Variants in CUL5 observed in about 807,000 individuals in gnomAD.
CUL5 encodes the protein cullin-5.
Under a neutral mutation model 108.8 loss-of-function variants are expected in CUL5, and 26 were observed. The ratio of observed to expected loss-of-function variants is 0.24; its 90% CI spans 0.18 to 0.33. The LOEUF (loss-of-function observed/expected upper bound fraction) is 0.33, where lower values mean the gene tolerates loss of function less well. Among genes scored for constraint, CUL5 ranks in the 10% least tolerant of loss-of-function variants. The pLI is 1.00. For missense variants in CUL5, 524 were observed against 909.2 expected (o/e 0.58, Z 5.45); for synonymous variants, 334 against 298.0 (o/e 1.12, Z -1.25).
intron 18 of CUL5, among the ~76,000 whole-genome samples, chr11:108,101,519 T>A (rs988829157): frequency 6.6e-6 from 1 of 152,220 alleles, no homozygotes; most frequent in African/African-American, 2.4e-5. Flanking sequence ...CCACTACATC[T>A]TCTGTGTGGC....
chr11:108,082,570 C>T (rs1388387805), intron 11 of CUL5, among the ~76,000 whole-genome samples: 2 of 152,136 alleles, frequency 1.3e-5, no homozygotes, highest in Non-Finnish European at 2.9e-5. Flanking sequence ...AGCTACCATG[C>T]CCAGCCTGGA....
chr11:108,017,434 A>AT (rs1349482394), intron 1 of CUL5, among the ~76,000 whole-genome samples: 1 of 151,388 alleles, frequency 6.6e-6, no homozygotes, highest in East Asian at 2.0e-4. Context: ...AATAGTGAAT[A>AT]TGACAAAGTT....
At chr11:108,097,022 C>T (rs913718067) in intron 16 of CUL5, among the ~76,000 whole-genome samples, 1 of 151,874 alleles carries the variant, frequency 6.6e-6, no homozygotes, top group Non-Finnish European at 1.5e-5. Context: ...TTAAAAGTTC[C>T]AGGTTTTTTT....
chr11:108,099,819 G>A (rs1259462400), intron 18 of CUL5, among the ~76,000 whole-genome samples: 7 of 151,764 alleles, frequency 4.6e-5, no homozygotes, highest in South Asian at 2.1e-4. Flanking sequence ...GAACCAGACA[G>A]TATGTACTTT....
chr11:108,023,573 C>T (rs764770798), intron 1 of CUL5, among the ~76,000 whole-genome samples: 1 of 151,992 alleles, frequency 6.6e-6, no homozygotes, highest in South Asian at 2.1e-4. Flanking sequence ...ATCCTGGGAC[C>T]CTTCGGGAGT....
At chr11:108,021,714 C>T (rs1390469159) in intron 1 of CUL5, among the ~76,000 whole-genome samples, 3 of 151,962 alleles carry the variant, frequency 2.0e-5, no homozygotes, top group East Asian at 1.9e-4. Flanking sequence ...TGGGGTCTCA[C>T]CATGTTGCCC....
At chr11:108,088,741 T>C (rs745735371) in intron 12 of CUL5, 82 bp downstream of exon 12, 20 of 1,067,648 alleles carry the variant, frequency 1.9e-5, no homozygotes, top group Non-Finnish European at 2.6e-5. Flanking sequence ...TCTGTGATAG[T>C]ATCAATTTAA....
At chr11:108,049,530 A>G (rs1385038122) in intron 3 of CUL5, among the ~76,000 whole-genome samples, 3 of 151,786 alleles carry the variant, frequency 2.0e-5, no homozygotes, top group Non-Finnish European at 4.4e-5. Flanking sequence ...ATTTGTGGAG[A>G]TGAGGTCTTG....
intron 11 of CUL5, among the ~76,000 whole-genome samples, chr11:108,083,150 T>G (rs1303647414): frequency 6.6e-6 from 1 of 152,192 alleles, no homozygotes; most frequent in Non-Finnish European, 1.5e-5. Context: ...ATGGCAGGGG[T>G]GAATTCAGGC....
intron 18 of CUL5, among the ~76,000 whole-genome samples, chr11:108,103,241 T>A (rs1864714119): frequency 6.6e-6 from 1 of 152,146 alleles, no homozygotes; most frequent in Non-Finnish European, 1.5e-5. Flanking sequence ...TAAAATGACC[T>A]AGATGAAAAA....
intron 4 of CUL5, among the ~76,000 whole-genome samples, chr11:108,051,924 T>G (rs2135133102): frequency 6.6e-6 from 1 of 152,336 alleles, no homozygotes; most frequent in South Asian, 2.1e-4. Flanking sequence ...AAGTAACAGC[T>G]GGGATTCAAA....
intron 10 of CUL5, among the ~76,000 whole-genome samples, chr11:108,077,948 CA>C (rs1863981709): frequency 6.6e-6 from 1 of 151,786 alleles, no homozygotes; most frequent in Non-Finnish European, 1.5e-5. Flanking sequence ...GACTTCATCT[CA>C]AAAAAACAAA....
At position 108,072,426 on chromosome 11, in the gene CUL5, G is replaced by A; in HGVS notation, c.969G>A (p.Leu323=). 6.2e-7 allele frequency: 1 copy of A among 1,611,714 alleles called. No homozygotes were observed. Among genetic ancestry groups the A allele is most frequent in the Non-Finnish European group, 8.5e-7 (1 of 1,178,582 alleles). Residue 323 remains leucine (L), a synonymous_variant, in exon 9 of 19, where the codon CTG becomes CTA. Coordinates refer to ENST00000393094, the MANE Select transcript of CUL5 (RefSeq NM_003478.6). The stretch of plus-strand genomic sequence containing the variant: ...AGGAACATATCATTAGTGCTGGCCT[G>A]GCAGATATGGTAGCAGCTGCTGAAA... ...DLEEHIISAG[L]ADMVAAAETI...
chr11:108,098,758 G>A (rs1864564864), intron 18 of CUL5, among the ~76,000 whole-genome samples: 1 of 151,532 alleles, frequency 6.6e-6, no homozygotes, highest in South Asian at 2.1e-4. Flanking sequence ...CATTCCAGTT[G>A]AAATATGAAT....
At chr11:108,044,966 T>C (rs1189023964) in intron 2 of CUL5, among the ~76,000 whole-genome samples, 1 of 152,072 alleles carries the variant, frequency 6.6e-6, no homozygotes, top group East Asian at 1.9e-4. Flanking sequence ...TTTTACCATG[T>C]TGGCCAGGCT....
chr11:108,057,930 G>T (rs117460699), intron 7 of CUL5, among the ~76,000 whole-genome samples: 2 of 152,074 alleles, frequency 1.3e-5, no homozygotes, highest in African/African-American at 4.8e-5. Flanking sequence ...AAGAATATTG[G>T]CTGGGTGCAG....
intron 2 of CUL5, among the ~76,000 whole-genome samples, chr11:108,045,899 A>G (rs1325574095): frequency 1.3e-5 from 2 of 152,142 alleles, no homozygotes; most frequent in African/African-American, 4.8e-5. Flanking sequence ...AATAATTAAA[A>G]AGGACAAAAT....
chr11:108,062,037 G>C (rs142923905), intron 7 of CUL5, among the ~76,000 whole-genome samples: 1 of 152,166 alleles, frequency 6.6e-6, no homozygotes, highest in African/African-American at 2.4e-5. Context: ...GTCTCAACAC[G>C]TGGGAATTAC....
At chr11:108,033,606 G>A (rs1862649947) in intron 1 of CUL5, among the ~76,000 whole-genome samples, 196 bp from the exon 2 acceptor site, 1 of 152,130 alleles carries the variant, frequency 6.6e-6, no homozygotes, top group Non-Finnish European at 1.5e-5. Context: ...AAACACATTT[G>A]TACAATTTTT....
Sources: gnomAD v4.1 joint callset for allele counts (sites outside exome capture counted in the v4.1 genomes callset) on GRCh38, gnomAD v4.1.1 for gene constraint, MANE v1.5 for transcripts, NCBI Gene and HGNC (gene_info 2026-07-23, HGNC 2026-07-21) for gene names.